PCDH9: variants seen among roughly 807,000 people sequenced by gnomAD.
The protein encoded by PCDH9 is protocadherin 9.
A neutral mutation model predicts 70.6 loss-of-function variants in PCDH9; 24 were observed. The observed-to-expected ratio is 0.34, with a 90% CI of 0.25 to 0.48. PCDH9 has a LOEUF of 0.48. Ranked by LOEUF, PCDH9 falls within the 20% of genes least tolerant of loss-of-function variation. PCDH9 has a pLI of 0.99. For synonymous variants in PCDH9, 562 were observed against 558.5 expected, an observed-to-expected ratio of 1.01 and a Z score of -0.09; for missense variants, 1,281 against 1,503.6, an observed-to-expected ratio of 0.85 and a Z score of 2.45.
At chr13:66,653,910 G>A (rs1279961406) in intron 3 of PCDH9, among the ~76,000 whole-genome samples, 2 of 149,522 alleles carry the variant, frequency 1.3e-5, no homozygotes, top group African/African-American at 4.9e-5. Flanking sequence ...AGAGCTTGCA[G>A]TGAGCTGAGA....
chr13:66,532,073 A>G (rs1477186329), intron 4 of PCDH9, among the ~76,000 whole-genome samples: 1 of 151,936 alleles, frequency 6.6e-6, no homozygotes, highest in Non-Finnish European at 1.5e-5. Context: ...GGCAGCCTCT[A>G]CCTCCAGGGC....
intron 2 of PCDH9, among the ~76,000 whole-genome samples, chr13:67,032,315 AT>A (rs2084924380): frequency 6.7e-6 from 1 of 149,464 alleles, no homozygotes; most frequent in Non-Finnish European, 1.5e-5. Context: ...ACAACTATAT[AT>A]TTTTCTGCCT....
chr13:67,049,355 A>G (rs2085280967), intron 2 of PCDH9, among the ~76,000 whole-genome samples: 1 of 152,218 alleles, frequency 6.6e-6, no homozygotes, highest in Non-Finnish European at 1.5e-5. Flanking sequence ...ACTGTGAAAA[A>G]TTAACAAATC....
At chr13:66,646,619 A>T (rs1442843172) in intron 3 of PCDH9, among the ~76,000 whole-genome samples, 1 of 152,172 alleles carries the variant, frequency 6.6e-6, no homozygotes, top group African/African-American at 2.4e-5. Flanking sequence ...CTCAGAAAAA[A>T]ATACTGAAAA....
intron 3 of PCDH9, among the ~76,000 whole-genome samples, chr13:66,854,340 T>C (rs1445081572): frequency 6.6e-6 from 1 of 152,200 alleles, no homozygotes; most frequent in African/African-American, 2.4e-5. Flanking sequence ...TTCGTTATTA[T>C]TTTTTATTAT....
At chr13:66,862,741 A>G (rs1388354103) in intron 3 of PCDH9, among the ~76,000 whole-genome samples, 1 of 152,212 alleles carries the variant, frequency 6.6e-6, no homozygotes, top group African/African-American at 2.4e-5. Context: ...TCTCAAAAAG[A>G]ATGACCTATG....
intron 3 of PCDH9, among the ~76,000 whole-genome samples, chr13:66,695,388 G>A (rs1321793464): frequency 6.6e-6 from 1 of 152,068 alleles, no homozygotes; most frequent in Admixed American, 6.6e-5. Flanking sequence ...ATATCCCCAA[G>A]ACTGGGATAT....
At chr13:66,923,496 T>C (rs534338036) in intron 2 of PCDH9, among the ~76,000 whole-genome samples, 4 of 151,740 alleles carry the variant, frequency 2.6e-5, no homozygotes, top group African/African-American at 9.6e-5. Flanking sequence ...GCTTTTAAAA[T>C]ATCCAGTTTA....
intron 4 of PCDH9, among the ~76,000 whole-genome samples, chr13:66,574,187 G>A (rs2076778600): frequency 1.3e-5 from 2 of 152,180 alleles, no homozygotes; most frequent in Admixed American, 1.3e-4. Flanking sequence ...CCATATTGCT[G>A]AGCCTTAATT....
chr13:66,572,827 A>C (rs61956026), intron 4 of PCDH9, among the ~76,000 whole-genome samples: 52,518 of 151,792 alleles, frequency 0.35, 9,567 homozygotes, highest in African/African-American at 0.46. Context: ...CGGCATGATC[A>C]CAGCTTACTG....
At chr13:66,543,247 G>T (rs1394235919) in intron 4 of PCDH9, among the ~76,000 whole-genome samples, 2 of 151,974 alleles carry the variant, frequency 1.3e-5, no homozygotes, top group Non-Finnish European at 2.9e-5. Flanking sequence ...TATATAACCT[G>T]CACCTCAAAT....
rs1013236956 is a variant in PCDH9, at chr13:67,172,396, T to C, written c.3036+53009A>G. Among the ~76,000 whole-genome samples the C allele has an allele frequency of 2.0e-5, 3 of 152,154 alleles. No homozygotes were observed. The East Asian group carries it at 5.8e-4, about 29-fold the overall frequency. On this transcript the variant is annotated intron_variant, in intron 2 of 4. Transcript: ENST00000377865. ...AGAAAGATAAGCAAACTTAAATGAC[T>C]TCAGTGTACAGGCAGTTAAAGTATA...
At chr13:67,020,091 A>T (rs1282328731) in intron 2 of PCDH9, among the ~76,000 whole-genome samples, 1 of 152,224 alleles carries the variant, frequency 6.6e-6, no homozygotes, top group Non-Finnish European at 1.5e-5. Flanking sequence ...ATGAGCATGT[A>T]TCAAGTTACA....
intron 4 of PCDH9, among the ~76,000 whole-genome samples, chr13:66,349,111 T>C (rs191411743): frequency 6.6e-6 from 1 of 152,282 alleles, no homozygotes; most frequent in East Asian, 1.9e-4. Flanking sequence ...TACTGAGAGT[T>C]TGACAAACAA....
At chr13:66,390,335 C>A (rs1956995342) in intron 4 of PCDH9, among the ~76,000 whole-genome samples, 2 of 152,074 alleles carry the variant, frequency 1.3e-5, no homozygotes, top group Non-Finnish European at 2.9e-5. Context: ...AGAAGTCACC[C>A]TTTGACCTTA....
intron 3 of PCDH9, among the ~76,000 whole-genome samples, chr13:66,735,505 T>C (rs2079134458): frequency 6.6e-6 from 1 of 152,094 alleles, no homozygotes; most frequent in African/African-American, 2.4e-5. Flanking sequence ...GTAAATTTAA[T>C]AGAATCATAA....
chr13:66,602,041 G>T (rs1467768627), intron 4 of PCDH9, among the ~76,000 whole-genome samples: 1 of 145,938 alleles, frequency 6.9e-6, no homozygotes, highest in Non-Finnish European at 1.5e-5. Context: ...TAAAAAAAAT[G>T]CCTGGAGGGC....
At chr13:66,482,163 G>C (rs547697442) in intron 4 of PCDH9, among the ~76,000 whole-genome samples, 2 of 152,284 alleles carry the variant, frequency 1.3e-5, no homozygotes, top group South Asian at 2.1e-4. Flanking sequence ...AAGCCATCAA[G>C]ACATTCATAT....
intron 4 of PCDH9, among the ~76,000 whole-genome samples, chr13:66,549,788 T>C (rs555771479): frequency 2.0e-4 from 31 of 152,150 alleles, no homozygotes; most frequent in African/African-American, 6.7e-4. Context: ...GGGAGGCCAA[T>C]GCTGGAGGAT....
Sources: allele counts gnomAD v4.1 joint callset (sites outside exome capture counted in the v4.1 genomes callset), GRCh38; gene constraint gnomAD v4.1.1; transcripts MANE v1.5; gene names NCBI Gene and HGNC (gene_info 2026-07-23, HGNC 2026-07-21).